Variants in ZNF341 observed in about 807,000 individuals in gnomAD.
The protein encoded by ZNF341 is zinc finger protein 341.
ZNF341 carries 52 observed loss-of-function variants against 87.7 expected under a neutral mutation model. That is an observed-to-expected ratio of 0.59 (90% CI 0.47 to 0.75). The LOEUF (loss-of-function observed/expected upper bound fraction) is 0.75. Among genes scored for constraint, ZNF341 ranks in the 30% least tolerant of loss-of-function variants. ZNF341 has a pLI of 0.00. For synonymous variants in ZNF341, 459 were observed against 472.7 expected, an observed-to-expected ratio of 0.97 and a Z score of 0.38; for missense variants, 977 against 1,145.9, an observed-to-expected ratio of 0.85 and a Z score of 2.13.
Position 33,760,630 on chromosome 20 carries a change from A to G in ZNF341, c.1029-1232A>G, listed in dbSNP as rs1490022645. Among the ~76,000 whole-genome samples, 3 of 151,916 alleles carry G rather than the reference A, an allele frequency of 2.0e-5. No homozygotes were observed. The East Asian group carries it at 5.8e-4, about 29-fold the overall frequency. On this transcript the variant is annotated intron_variant, in intron 7 of 14. Coordinates refer to ENST00000375200, the MANE Select transcript of ZNF341 (RefSeq NM_001282933.2). ...GCAATCTCAGCTCACTGCAGCCTCAACCTCCCAGGCTCAAGCAATCCTTCT... is the reference window on the plus strand; with the variant it reads ...GCAATCTCAGCTCACTGCAGCCTCAGCCTCCCAGGCTCAAGCAATCCTTCT...
chr20:33,775,889 AG>A lies in ZNF341; in HGVS notation c.1623-5399del, dbSNP rs539698363. 1.4e-4 allele frequency among the ~76,000 whole-genome samples: 21 copies of A among 151,474 alleles called. No individual in the cohort carries two copies. In the East Asian group the frequency reaches 4.1e-3, roughly 30 times the overall value. On this transcript the variant is annotated intron_variant, in intron 10 of 14. Transcript: ENST00000375200. The stretch of plus-strand genomic sequence containing the variant: ...TAATTTTGGTATTTTTTGTAGAGAC[AG>A]GGTCTTGCTATATTGCCCAGGCTGG...
chr20:33,748,601 C>G lies in ZNF341; in HGVS notation c.340-322C>G, dbSNP rs889640088. Among the ~76,000 whole-genome samples the G allele has an allele frequency of 3.3e-5, 5 of 152,050 alleles. No individual in the cohort carries two copies. In the South Asian group the frequency reaches 1.0e-3, roughly 32 times the overall value. On this transcript the variant is annotated intron_variant, in intron 3 of 14. Coordinates refer to ENST00000375200, the MANE Select transcript of ZNF341 (RefSeq NM_001282933.2). Reference sequence around the variant, plus strand: ...CAGGCTGGTCTTGAACTCCTGGGTTCAAGTGATTCACCTGCCTCAGCCTCC... The same window carrying G: ...CAGGCTGGTCTTGAACTCCTGGGTTGAAGTGATTCACCTGCCTCAGCCTCC...
chr20:33,784,808 G>T (rs919112005), intron 12 of ZNF341, among the ~76,000 whole-genome samples: 1 of 151,936 alleles, frequency 6.6e-6, no homozygotes, highest in Non-Finnish European at 1.5e-5. Context: ...TAGAAACAGG[G>T]TTTTGCCATG....
At chr20:33,771,208 A>C (rs1298729314) in intron 10 of ZNF341, among the ~76,000 whole-genome samples, 3 of 152,188 alleles carry the variant, frequency 2.0e-5, no homozygotes, top group Non-Finnish European at 2.9e-5. Context: ...TATAATCTAT[A>C]AGATCTAGGT....
intron 3 of ZNF341, among the ~76,000 whole-genome samples, chr20:33,745,522 G>A (rs556477435): frequency 3.9e-5 from 6 of 152,208 alleles, no homozygotes; most frequent in African/African-American, 9.6e-5. Context: ...ATTGTCTATC[G>A]TGCTTGGGGA....
chr20:33,737,047 G>A (rs967002290), intron 1 of ZNF341, among the ~76,000 whole-genome samples: 9 of 152,182 alleles, frequency 5.9e-5, no homozygotes, highest in African/African-American at 1.9e-4. Flanking sequence ...GTGCCCTGGA[G>A]CCAAGAACAG....
intron 11 of ZNF341, among the ~76,000 whole-genome samples, chr20:33,783,010 C>T (rs531352684): frequency 1.3e-5 from 2 of 151,968 alleles, no homozygotes; most frequent in South Asian, 2.1e-4. Flanking sequence ...AAAAATTAGC[C>T]GGGAGTGGTG....
chr20:33,777,494 T>TGAG (rs1397593029), intron 10 of ZNF341, among the ~76,000 whole-genome samples: 3 of 151,486 alleles, frequency 2.0e-5, no homozygotes, highest in African/African-American at 7.3e-5. Flanking sequence ...ATTAGCTGGG[T>TGAG]GTGGTGGCGG....
chr20:33,769,494 C>T (rs1297171555), intron 9 of ZNF341, among the ~76,000 whole-genome samples: 1 of 152,146 alleles, frequency 6.6e-6, no homozygotes, highest in East Asian at 1.9e-4. Flanking sequence ...TATACACTGT[C>T]ATCTTTTCAC....
Position 33,791,017 on chromosome 20 carries a change from A to G in ZNF341, c.2065A>G (p.Ser689Gly). Residue 689 changes from serine (S) to glycine (G), a missense_variant, in exon 15 of 15, where the codon AGC becomes GGC. Ser to Gly is a moderately conservative substitution (Grantham distance 56). Around this residue, in one of 3 missense-constraint regions of ZNF341, gnomAD observed 241 missense variants for 335.0 expected, o/e 0.72. Coordinates refer to ENST00000375200, the MANE Select transcript of ZNF341 (RefSeq NM_001282933.2). Reference protein sequence around the residue: ...GMKLHKCALCSKSFSRRAHLA... With the variant: ...GMKLHKCALCGKSFSRRAHLA... ...GAAGCTCCACAAATGCGCCCTGTGC[A>G]GCAAGTCCTTCAGCCGCCGTGCCCA... 1 of 1,613,262 alleles carries G rather than the reference A, an allele frequency of 6.2e-7. No individual in the cohort carries two copies. Among genetic ancestry groups the G allele is most frequent in the South Asian group, 1.1e-5 (1 of 91,058 alleles).
intron 6 of ZNF341, among the ~76,000 whole-genome samples, chr20:33,757,595 A>G (rs1225948868): frequency 6.6e-6 from 1 of 152,124 alleles, no homozygotes; most frequent in African/African-American, 2.4e-5. Flanking sequence ...TTCTGTTTCC[A>G]CCACCTCCAG....
At position 33,791,551 on chromosome 20, in the gene ZNF341, G is replaced by C; in HGVS notation, c.*34G>C. 6.6e-7 allele frequency: 1 copy of C among 1,509,484 alleles called. No individual in the cohort carries two copies. The highest frequency in any genetic ancestry group is 8.8e-7 in the Non-Finnish European group (1 of 1,133,030). 93.5% of individuals were successfully genotyped at this position (1,509,484 alleles called of 1,614,324 possible). A position where few individuals can be genotyped will look rare whatever the true frequency, so the allele number is the denominator to read the frequency against. ...AGGTGTCTGTTTCCTGGGCAGGCCT[G>C]ATGCTCCTGTTTGGGTCCAGGGCCC... is the stretch of plus-strand genomic sequence containing the variant. On this transcript the variant is annotated 3_prime_UTR_variant, in exon 15 of 15. Coordinates refer to ENST00000375200, the MANE Select transcript of ZNF341 (RefSeq NM_001282933.2).
In ZNF341 at chr20:33,732,430, G is replaced by T. The variant is rs1341063173; in HGVS notation, c.31+378G>T. 2.0e-5 allele frequency among the ~76,000 whole-genome samples: 3 copies of T among 152,074 alleles called. No individual in the cohort carries two copies. Among genetic ancestry groups the T allele is most frequent in the Admixed American group, 6.5e-5 (1 of 15,274 alleles). ...TTGGCGGCGCGCGGGGCCCGGGACG[G>T]GGGTGCGGTCGCAGCTGCGGGCAGG... On this transcript the variant is annotated intron_variant, in intron 1 of 14. Transcript: ENST00000375200. The surrounding 1 kb of genome is among the most constrained non-coding windows in gnomAD (Gnocchi z 4.5).
At chr20:33,777,463 C>T (rs191827081) in intron 10 of ZNF341, among the ~76,000 whole-genome samples, 39 of 151,366 alleles carry the variant, frequency 2.6e-4, no homozygotes, top group African/African-American at 6.8e-4. Context: ...GGCGAAATGC[C>T]GTATCTACTA....
chr20:33,742,595 C>T (rs569398026), intron 2 of ZNF341, among the ~76,000 whole-genome samples: 4 of 151,676 alleles, frequency 2.6e-5, no homozygotes, highest in East Asian at 2.0e-4. Flanking sequence ...AGATTACAGG[C>T]GTGAACCACC....
At chr20:33,779,432 C>T (rs2019695221) in intron 10 of ZNF341, among the ~76,000 whole-genome samples, 1 of 150,806 alleles carries the variant, frequency 6.6e-6, no homozygotes, top group African/African-American at 2.4e-5. Context: ...CTATGTCAGA[C>T]TCTGTGACAA....
intron 8 of ZNF341, among the ~76,000 whole-genome samples, chr20:33,762,597 C>T (rs1213047772): frequency 6.6e-6 from 1 of 151,286 alleles, no homozygotes; most frequent in African/African-American, 2.4e-5. Flanking sequence ...ATACGTGTGC[C>T]ATGGTGGTTT....
intron 12 of ZNF341, 197 bp from the exon 13 acceptor site, chr20:33,788,666 C>A (rs924427793): frequency 4.8e-6 from 3 of 627,614 alleles, no homozygotes; most frequent in Non-Finnish European, 8.7e-6. Flanking sequence ...ATCAGAGAGG[C>A]CTCTCCTGAC....
chr20:33,747,601 C>T (rs1229083314), intron 3 of ZNF341, among the ~76,000 whole-genome samples: 3 of 104,580 alleles, frequency 2.9e-5, no homozygotes, highest in South Asian at 3.6e-4. Context: ...GGCGACAGAG[C>T]GAGACTCCGT....
Sources: gnomAD v4.1 joint callset for allele counts (sites outside exome capture counted in the v4.1 genomes callset) on GRCh38, gnomAD v4.1.1 for gene constraint, gnomAD v4.1.1 regional missense constraint, Gnocchi (gnomAD v3.1) non-coding constraint, MANE v1.5 for transcripts, NCBI Gene and HGNC (gene_info 2026-07-23, HGNC 2026-07-21) for gene names.